The following NFYC variants were observed in gnomAD, a reference collection of about 807,000 sequenced individuals.
NFYC encodes CAAT box DNA-binding protein subunit C.
In NFYC, 25 loss-of-function variants were observed where a neutral mutation model predicts 53.1. That is an observed-to-expected ratio of 0.47 (90% confidence interval 0.34 to 0.66). The LOEUF (loss-of-function observed/expected upper bound fraction) is 0.66. NFYC is among the 30% of genes least tolerant of loss of function. NFYC has a pLI of 0.01. For synonymous variants in NFYC, 145 were observed against 152.6 expected, an observed-to-expected ratio of 0.95 and a Z score of 0.37; for missense variants, 260 against 422.7, an observed-to-expected ratio of 0.62 and a Z score of 3.38.
At chr1:40,722,636 G>C (rs752687003) in intron 1 of NFYC, among the ~76,000 whole-genome samples, 50 of 152,144 alleles carry the variant, frequency 3.3e-4, no homozygotes, top group Admixed American at 7.9e-4. Context: ...GCTATTTTTT[G>C]AGGCCTTCTA....
chr1:40,732,003 C>T (rs1306847691), intron 1 of NFYC, among the ~76,000 whole-genome samples: 1 of 152,144 alleles, frequency 6.6e-6, no homozygotes, highest in Admixed American at 6.5e-5. Flanking sequence ...AAGAGCCTAT[C>T]GAAGACATTA....
chr1:40,705,323 C>G (rs1313512609), intron 1 of NFYC, among the ~76,000 whole-genome samples: 2 of 142,368 alleles, frequency 1.4e-5, no homozygotes, highest in East Asian at 4.6e-4. Flanking sequence ...GCTGCTTTTC[C>G]TTGTCAGCTG....
chr1:40,721,735 T>G (rs886134980), intron 1 of NFYC: 21 of 152,276 alleles, frequency 1.4e-4, no homozygotes, highest in Non-Finnish European at 2.8e-4. Context: ...TAATTTTTTT[T>G]TCTTTTTTGT....
intron 1 of NFYC, chr1:40,695,519 C>G (rs1643081631): frequency 6.6e-6 from 1 of 152,336 alleles, no homozygotes; most frequent in Admixed American, 6.5e-5. Context: ...CTCCCGGGTT[C>G]AAGCGATTCT....
intron 2 of NFYC, among the ~76,000 whole-genome samples, chr1:40,743,222 G>A (rs1361635164): frequency 3.3e-5 from 5 of 152,214 alleles, no homozygotes; most frequent in Non-Finnish European, 2.9e-5. Context: ...ATTTTAGCTT[G>A]TTCTCATGAT....
At chr1:40,766,560 T>A (rs768455764) in intron 7 of NFYC, 36 bp from the exon 8 acceptor site, 1 of 1,489,836 alleles carries the variant, frequency 6.7e-7, no homozygotes, top group Non-Finnish European at 9.3e-7. Flanking sequence ...TTATACTCAA[T>A]GTCTTATGGT....
chr1:40,755,046 A>G (rs1280763126), intron 5 of NFYC, among the ~76,000 whole-genome samples: 1 of 152,228 alleles, frequency 6.6e-6, no homozygotes, highest in African/African-American at 2.4e-5. Context: ...CTCTGTAGAC[A>G]TGAAGTTTTC....
At position 40,771,155 on chromosome 1, in the gene NFYC, TTTTG is replaced by T. The variant is rs1480434733; in HGVS notation, c.*331_*334del. 2.1e-5 allele frequency: 8 copies of T among 380,546 alleles called. No homozygotes were observed. The highest frequency in any genetic ancestry group is 9.1e-5 in the Admixed American group (2 of 21,990). The allele number at this position is 380,546 out of a possible 1,614,324, so 23.6% of individuals were successfully genotyped here. On this transcript the variant is annotated 3_prime_UTR_variant, in exon 10 of 10. Transcript: ENST00000447388. ...AGTGTGGTTGAAGAAATATTTCTCC[TTTTG>T]TTTTTCTTTTTTTTTTGTTTGTTAC...
At position 40,734,340 on chromosome 1, in the gene NFYC, C is replaced by CTTTATTTATTTA. The variant is rs34100786; in HGVS notation, c.-8-4468_-8-4457dup. Among the ~76,000 whole-genome samples, 224 of 146,656 alleles carry CTTTATTTATTTA rather than the reference C, an allele frequency of 1.5e-3. 2 individuals are homozygous for CTTTATTTATTTA. The highest frequency in any genetic ancestry group is 4.6e-3 in the African/African-American group (183 of 39,634). On this transcript the variant is annotated intron_variant, in intron 1 of 9. Coordinates refer to ENST00000447388, the MANE Select transcript of NFYC (RefSeq NM_014223.5). ...AATAAGAGGTGATTAACTACGGTTG[C>CTTTATTTATTTA]TTTATTTATTTATTTATTTATTTAT...
intron 1 of NFYC, among the ~76,000 whole-genome samples, chr1:40,724,359 C>T (rs998032428): frequency 6.6e-6 from 1 of 152,070 alleles, no homozygotes; most frequent in Non-Finnish European, 1.5e-5. Flanking sequence ...CAGACTGAGG[C>T]TCCGTCTAAA....
chr1:40,732,155 A>G (rs964128262), intron 1 of NFYC, among the ~76,000 whole-genome samples: 4 of 152,168 alleles, frequency 2.6e-5, no homozygotes, highest in African/African-American at 7.2e-5. Flanking sequence ...AACAACATCT[A>G]TTTAGTTTTA....
At chr1:40,733,429 G>A (rs183046824) in intron 1 of NFYC, among the ~76,000 whole-genome samples, 48 of 150,886 alleles carry the variant, frequency 3.2e-4, no homozygotes, top group African/African-American at 1.0e-3. Context: ...AGGCTGCAGT[G>A]AGCCAAGATC....
intron 1 of NFYC, chr1:40,730,574 T>A (rs1278404523): frequency 1.0e-6 from 1 of 985,324 alleles, no homozygotes; most frequent in Non-Finnish European, 1.2e-6. Flanking sequence ...GAAGATATGA[T>A]CAAAATGCAA....
intron 1 of NFYC, among the ~76,000 whole-genome samples, chr1:40,730,070 G>A (rs1343600328): frequency 6.6e-6 from 1 of 152,152 alleles, no homozygotes; most frequent in Non-Finnish European, 1.5e-5. Flanking sequence ...CTGTCACCCA[G>A]GCTGGAGTGT....
chr1:40,725,168 A>C (rs1311956245), intron 1 of NFYC, among the ~76,000 whole-genome samples: 1 of 152,240 alleles, frequency 6.6e-6, no homozygotes, highest in East Asian at 1.9e-4. Flanking sequence ...AGTTTCCTGC[A>C]TGACTATATA....
chr1:40,741,979 C>T (rs1025401663), intron 2 of NFYC, among the ~76,000 whole-genome samples: 4 of 152,120 alleles, frequency 2.6e-5, no homozygotes, highest in Admixed American at 2.0e-4. Context: ...TTATAGCTCA[C>T]TGTAGCCTTG....
chr1:40,691,854 A>C lies in NFYC; in HGVS notation c.-22A>C, dbSNP rs1186290740. Reference sequence around the variant, plus strand: ...CGGGGGCGGCTCCTGCTCTTCCTGGACTCCTGAGCAGAGGTGTGTGAGTGT... The same window carrying C: ...CGGGGGCGGCTCCTGCTCTTCCTGGCCTCCTGAGCAGAGGTGTGTGAGTGT... On this transcript the variant is annotated 5_prime_UTR_variant, in exon 1 of 10. Coordinates refer to ENST00000447388, the MANE Select transcript of NFYC (RefSeq NM_014223.5). 2.4e-6 allele frequency: 1 copy of C among 424,510 alleles called. No individual in the cohort carries two copies. Among genetic ancestry groups the C allele is most frequent in the East Asian group, 8.6e-5 (1 of 11,608 alleles). The allele number at this position is 424,510 out of a possible 1,614,324, so 26.3% of individuals were successfully genotyped here.
chr1:40,731,823 T>C (rs1424963648), intron 1 of NFYC, among the ~76,000 whole-genome samples: 1 of 152,246 alleles, frequency 6.6e-6, no homozygotes, highest in East Asian at 1.9e-4. Context: ...AATGTATGTA[T>C]AGTTCATACT....
At chr1:40,711,846 C>G (rs887896017) in intron 1 of NFYC, among the ~76,000 whole-genome samples, 3 of 152,170 alleles carry the variant, frequency 2.0e-5, no homozygotes, top group African/African-American at 7.2e-5. Context: ...TTTATTTACT[C>G]TGATCACAGT....
Sources: allele counts gnomAD v4.1 joint callset (sites outside exome capture counted in the v4.1 genomes callset), GRCh38; gene constraint gnomAD v4.1.1; transcripts MANE v1.5; gene names NCBI Gene and HGNC (gene_info 2026-07-23, HGNC 2026-07-21).